Variants in SNX29 observed in about 807,000 individuals in gnomAD.
The protein encoded by SNX29 is sorting nexin 29.
In SNX29, 78 loss-of-function variants were observed where a neutral mutation model predicts 102.1. The ratio of observed to expected loss-of-function variants is 0.76; its 90% CI spans 0.64 to 0.92. The LOEUF (loss-of-function observed/expected upper bound fraction) is 0.92, where lower values mean the gene tolerates loss of function less well. Among genes scored for constraint, SNX29 ranks in the 40% least tolerant of loss-of-function variants. SNX29 has a pLI of 0.00. For missense variants in SNX29, 1,280 were observed against 1,061.7 expected (o/e 1.21, Z -2.86); for synonymous variants, 580 against 414.5 (o/e 1.40, Z -4.85).
At chr16:12,126,385 G>T (rs1029080820) in intron 11 of SNX29, among the ~76,000 whole-genome samples, 11 of 152,332 alleles carry the variant, frequency 7.2e-5, no homozygotes, top group African/African-American at 2.6e-4. Flanking sequence ...GTGCTCAGAG[G>T]GGGTTGCTAA....
intron 14 of SNX29, among the ~76,000 whole-genome samples, chr16:12,200,851 T>G (rs925804178): frequency 6.6e-6 from 1 of 152,078 alleles, no homozygotes; most frequent in African/African-American, 2.4e-5. Context: ...CTGACCCCTT[T>G]GAATTATTTT....
intron 11 of SNX29, among the ~76,000 whole-genome samples, chr16:12,104,298 G>C (rs1392700244): frequency 6.6e-6 from 1 of 152,210 alleles, no homozygotes; most frequent in Non-Finnish European, 1.5e-5. Flanking sequence ...GCTCATGCCT[G>C]TAATCCCAGC....
rs1343834240 is a variant in SNX29 at position 12,271,893 on chromosome 16, G to C, written c.1679-6040G>C. Among the ~76,000 whole-genome samples the C allele has an allele frequency of 2.6e-5, 4 of 152,204 alleles. No individual in the cohort carries two copies. The East Asian group carries it at 7.7e-4, about 29-fold the overall frequency. On this transcript the variant is annotated intron_variant, in intron 14 of 20. Transcript: ENST00000566228. ...CTGCCTTAGCCTCCCGAAGTGCTGG[G>C]ATTTCAGGTGTGAACCACTGTGCCC...
chr16:12,524,785 C>T lies in SNX29; in HGVS notation c.2262C>T (p.Pro754=), dbSNP rs202000492. 58 of 1,613,712 alleles carry T rather than the reference C, an allele frequency of 3.6e-5. No homozygotes were observed. In the Admixed American group the frequency reaches 3.8e-4, roughly 11 times the overall value. The change falls in exon 20 of 21, where the codon CCC becomes CCT. Residue 754 remains proline, a synonymous_variant. Transcript: ENST00000566228. ...TGAACAAAGTCATCCAGATGGTCCC[C>T]GAGTTCGCTGCCAGCCCCAAGAAGG... ...SVMNKVIQMV[P]EFAASPKKET...
At chr16:12,314,455 C>T (rs537345020) in intron 15 of SNX29, among the ~76,000 whole-genome samples, 2 of 152,208 alleles carry the variant, frequency 1.3e-5, no homozygotes, top group East Asian at 1.9e-4. Context: ...ACTTCCTAGC[C>T]GTGTGGCCTC....
At chr16:12,419,583 T>C (rs952782304) in intron 18 of SNX29, among the ~76,000 whole-genome samples, 23 of 151,090 alleles carry the variant, frequency 1.5e-4, no homozygotes, top group African/African-American at 5.4e-4. Flanking sequence ...CATCTTTCTG[T>C]CGATTTGCGT....
At chr16:12,493,928 G>A (rs911988716) in intron 19 of SNX29, among the ~76,000 whole-genome samples, 3 of 152,130 alleles carry the variant, frequency 2.0e-5, no homozygotes, top group Non-Finnish European at 2.9e-5. Context: ...CCCAGTTACC[G>A]ATAAGACTGA....
intron 15 of SNX29, among the ~76,000 whole-genome samples, chr16:12,281,128 G>T (rs2079416571): frequency 6.6e-6 from 1 of 152,042 alleles, no homozygotes; most frequent in Non-Finnish European, 1.5e-5. Flanking sequence ...TGCCCAAGTT[G>T]GTCTCAAACT....
At chr16:12,182,927 C>G (rs971746516) in intron 13 of SNX29, among the ~76,000 whole-genome samples, 2 of 115,634 alleles carry the variant, frequency 1.7e-5, no homozygotes, top group Non-Finnish European at 1.6e-5. Context: ...GAGCGAGACT[C>G]TGTCTCAAAA....
At chr16:12,475,582 A>T (rs1336927502) in intron 18 of SNX29, among the ~76,000 whole-genome samples, 1 of 152,254 alleles carries the variant, frequency 6.6e-6, no homozygotes, top group East Asian at 1.9e-4. Context: ...TGTAGTGAAC[A>T]TCATAGCTCA....
At chr16:12,547,878 G>C (rs1449759740) in intron 20 of SNX29, among the ~76,000 whole-genome samples, 1 of 152,124 alleles carries the variant, frequency 6.6e-6, no homozygotes, top group Non-Finnish European at 1.5e-5. Flanking sequence ...ACTTCCTTCA[G>C]CAGCAGTTCT....
In SNX29 at chr16:12,052,310, G is replaced by A. The variant is rs566766143; in HGVS notation, c.1124+88G>A. 1.6e-4 allele frequency: 231 copies of A among 1,460,458 alleles called. 1 individual carries two copies. The highest frequency in any genetic ancestry group is 2.1e-4 in the Non-Finnish European group (218 of 1,062,956). 90.5% of individuals were successfully genotyped at this position (1,460,458 alleles called of 1,614,324 possible). On this transcript the variant is annotated intron_variant, in intron 8 of 20. Transcript: ENST00000566228. ...CAGCTCACTGCAACCTCCACCTCCC[G>A]GGTTCAAGCTATTCTCCTGCCTCAG...
intron 3 of SNX29, among the ~76,000 whole-genome samples, chr16:12,013,042 G>C (rs1255740633): frequency 6.6e-6 from 1 of 151,458 alleles, no homozygotes; most frequent in Non-Finnish European, 1.5e-5. Context: ...GGGTGAGATG[G>C]AATCTGGGAG....
rs943670147 is a variant in SNX29 at position 12,210,206 on chromosome 16, C to A, written c.1678+10523C>A. On this transcript the variant is annotated intron_variant, in intron 14 of 20. Transcript: ENST00000566228. ...CTTGGTCAGGGCCAGCCACTGCTGT[C>A]ACAGTGCTGCTGGGGTCTCAGAGCA... Among the ~76,000 whole-genome samples the A allele has an allele frequency of 1.3e-5, 2 of 152,186 alleles. 1 individual carries two copies. Among genetic ancestry groups the A allele is most frequent in the South Asian group, 4.1e-4 (2 of 4,828 alleles).
intron 15 of SNX29, among the ~76,000 whole-genome samples, chr16:12,343,481 C>A (rs542353331): frequency 4.6e-5 from 7 of 152,282 alleles, no homozygotes; most frequent in Non-Finnish European, 8.8e-5. Context: ...ACTTTATAGC[C>A]GAGGAAATGG....
At chr16:12,476,415 T>A (rs1209732198) in intron 18 of SNX29, among the ~76,000 whole-genome samples, 2 of 18,006 alleles carry the variant, frequency 1.1e-4, no homozygotes, top group African/African-American at 4.5e-4. Flanking sequence ...TATATATACA[T>A]ATATATATAT....
At chr16:12,547,403 GTAGT>G (rs1206231673) in intron 20 of SNX29, among the ~76,000 whole-genome samples, 1 of 152,156 alleles carries the variant, frequency 6.6e-6, no homozygotes, top group East Asian at 1.9e-4. Flanking sequence ...GATAGAACAG[GTAGT>G]TAGGGGACCA....
At chr16:12,222,150 T>C (rs2077495722) in intron 14 of SNX29, among the ~76,000 whole-genome samples, 1 of 152,242 alleles carries the variant, frequency 6.6e-6, no homozygotes, top group Non-Finnish European at 1.5e-5. Flanking sequence ...ATTCTGCAGA[T>C]GCAGAAACAC....
chr16:12,529,463 G>T (rs960671193), intron 20 of SNX29, among the ~76,000 whole-genome samples: 6 of 152,178 alleles, frequency 3.9e-5, no homozygotes, highest in African/African-American at 7.2e-5. Flanking sequence ...ACCGCAAATC[G>T]GTGACAGCTT....
Sources: gnomAD v4.1 joint callset for allele counts (sites outside exome capture counted in the v4.1 genomes callset) on GRCh38, gnomAD v4.1.1 for gene constraint, MANE v1.5 for transcripts, NCBI Gene and HGNC (gene_info 2026-07-23, HGNC 2026-07-21) for gene names.